The following BOD1 variants were observed in gnomAD, a reference collection of about 807,000 sequenced individuals.
The protein encoded by BOD1 is biorientation of chromosomes in cell division protein 1.
BOD1 carries 11 observed loss-of-function variants against 15.7 expected under a neutral mutation model. The observed-to-expected ratio is 0.70, with a 90% CI of 0.44 to 1.16. The LOEUF is 1.16. Among genes scored for constraint, BOD1 ranks in the 50% most tolerant of loss-of-function variants. The probability of loss-of-function intolerance (pLI) is 0.00; values close to 1 mark genes in which losing one functional copy is unlikely to be tolerated. For missense variants in BOD1, 182 were observed against 244.5 expected (o/e 0.74, Z 1.70); for synonymous variants, 105 against 103.5 (o/e 1.01, Z -0.09).
chr5:173,609,573 C>T, intron 2 of BOD1, 139 bp from the exon 3 acceptor site: 2 of 793,040 alleles, frequency 2.5e-6, no homozygotes, highest in African/African-American at 1.7e-5. Flanking sequence ...GGTCAATCCA[C>T]TTACCATATA....
Position 173,616,612 on chromosome 5 carries a change from C to T in BOD1, c.-176G>A. The T allele has an allele frequency of 7.4e-7, 1 of 1,346,592 alleles. No homozygotes were observed. The highest frequency in any genetic ancestry group is 9.5e-7 in the Non-Finnish European group (1 of 1,056,742). The allele number at this position is 1,346,592 out of a possible 1,614,324, so 83.4% of individuals were successfully genotyped here. A position where few individuals can be genotyped will look rare whatever the true frequency, so the allele number is the denominator to read the frequency against. ...TGGGGGCGGCGGCGGCGAAGGCCCC[C>T]TCTGATACAGCAGAGGTTGTGGTGG... On this transcript the variant is annotated 5_prime_UTR_variant, in exon 1 of 4. Transcript: ENST00000311086.
At position 173,613,157 on chromosome 5, in the gene BOD1, T is replaced by C. The variant is rs765005479; in HGVS notation, c.336A>G (p.Arg112=). 1 of 1,614,160 alleles carries C rather than the reference T, an allele frequency of 6.2e-7. No homozygotes were observed. The highest frequency in any genetic ancestry group is 8.5e-7 in the Non-Finnish European group (1 of 1,179,984). The change falls in exon 2 of 4, where the codon CGA becomes CGG. Residue 112 remains arginine, a synonymous_variant. Transcript: ENST00000311086. ...GAACCACACTCTGCCTCAGACCATT[T>C]CGCAACTGGTTTTTGTTCATCGTAG... The part of the protein sequence containing the change: ...WNPTMNKNQL[R]NGLRQSVVQS...
intron 2 of BOD1, among the ~76,000 whole-genome samples, chr5:173,610,308 C>T (rs1349830878): frequency 2.0e-5 from 3 of 152,110 alleles, no homozygotes; most frequent in Admixed American, 6.5e-5. Flanking sequence ...TTTAAGCCTT[C>T]GGGTAAAAAT....
chr5:173,608,245 A>C lies in BOD1; in HGVS notation c.*49T>G, dbSNP rs772543730. On this transcript the variant is annotated 3_prime_UTR_variant, in exon 4 of 4. Transcript: ENST00000311086. ...TGAAGTTGCACTCTTATGTAACCGA[A>C]TCCATTTCTTCACCAAAAATTAGCT... is the stretch of plus-strand genomic sequence containing the variant. 3 of 1,610,470 alleles carry C rather than the reference A, an allele frequency of 1.9e-6. No individual in the cohort carries two copies. The highest frequency in any genetic ancestry group is 1.1e-5 in the South Asian group (1 of 90,978).
chr5:173,613,989 T>C (rs1755425799), intron 1 of BOD1, among the ~76,000 whole-genome samples: 1 of 152,196 alleles, frequency 6.6e-6, no homozygotes. Flanking sequence ...ATTTCCCAGA[T>C]TGGAGCTGAC....
At chr5:173,613,913 T>C (rs931260464) in intron 1 of BOD1, among the ~76,000 whole-genome samples, 3 of 152,186 alleles carry the variant, frequency 2.0e-5, no homozygotes, top group African/African-American at 7.2e-5. Flanking sequence ...TTCACAAGGG[T>C]AGGGCAGAGG....
rs1400906523 is a variant in BOD1 at position 173,607,708 on chromosome 5, A to G, written c.*586T>C. ...TATGCCTAATGTCTGAACTTCTCATACATTCTAGGATTTCATGTTTCGTTA... is the reference window on the plus strand; with the variant it reads ...TATGCCTAATGTCTGAACTTCTCATGCATTCTAGGATTTCATGTTTCGTTA... On this transcript the variant is annotated 3_prime_UTR_variant, in exon 4 of 4. Coordinates refer to ENST00000311086, the MANE Select transcript of BOD1 (RefSeq NM_138369.3). 6.5e-6 allele frequency: 1 copy of G among 152,894 alleles called. No individual in the cohort carries two copies. The highest frequency in any genetic ancestry group is 1.5e-5 in the Non-Finnish European group (1 of 68,422). The allele number at this position is 152,894 out of a possible 1,614,324, so 9.5% of individuals were successfully genotyped here.
intron 3 of BOD1, among the ~76,000 whole-genome samples, chr5:173,608,766 G>A (rs1755271027): frequency 6.6e-6 from 1 of 152,174 alleles, no homozygotes; most frequent in Non-Finnish European, 1.5e-5. Flanking sequence ...AGAATCCCAT[G>A]GTAATTGATA....
intron 2 of BOD1, among the ~76,000 whole-genome samples, chr5:173,610,020 C>A (rs189489831): frequency 1.3e-3 from 199 of 152,276 alleles, no homozygotes; most frequent in African/African-American, 4.6e-3. Flanking sequence ...AATAGACAAA[C>A]AAATTAGTTC....
In BOD1 at chr5:173,616,386, TCCGCCGCCGCCCACCGCGCCAGTTCCC is replaced by T; in HGVS notation, c.24_50del (p.Gly9_Gly17del). The T allele has an allele frequency of 2.6e-6, 4 of 1,520,408 alleles. No individual in the cohort carries two copies. The highest frequency in any genetic ancestry group is 2.6e-5 in the East Asian group (1 of 38,488). 94.2% of individuals were successfully genotyped at this position (1,520,408 alleles called of 1,614,324 possible). ...CTGCCCCGGCAGAGGCCTGGCTAGTTCCGCCGCCGCCCACCGCGCCAGTTCCCCCGCCGCCGCCGCCGTCCGCCATGG... is the reference window on the plus strand; with the variant it reads ...CTGCCCCGGCAGAGGCCTGGCTAGTTCCGCCGCCGCCGCCGTCCGCCATGG... On this transcript the variant is annotated inframe_deletion, in exon 1 of 4. Transcript: ENST00000311086.
chr5:173,616,215 G>A lies in BOD1; in HGVS notation c.222C>T (p.Ala74=). Residue 74 remains alanine, a synonymous_variant, in exon 1 of 4, where the codon GCC becomes GCT. Coordinates refer to ENST00000311086, the MANE Select transcript of BOD1 (RefSeq NM_138369.3). The part of the protein sequence containing the change: ...LFDSFRRDCL[A]DVDTKPAYQN... ...CCGCAGCTACCTTGGTGTCCACGTC[G>A]GCCAGGCAGTCCCGGCGGAAGCTGT... is the stretch of plus-strand genomic sequence containing the variant. The A allele has an allele frequency of 1.3e-6, 2 of 1,578,890 alleles. No homozygotes were observed. The highest frequency in any genetic ancestry group is 1.7e-6 in the Non-Finnish European group (2 of 1,163,250).
intron 1 of BOD1, among the ~76,000 whole-genome samples, chr5:173,615,198 A>G (rs557085373): frequency 6.6e-6 from 1 of 152,374 alleles, no homozygotes; most frequent in Non-Finnish European, 1.5e-5. Context: ...TTCTCTCTCT[A>G]CATCCGTATT....
At chr5:173,611,664 G>C (rs138941298) in intron 2 of BOD1, among the ~76,000 whole-genome samples, 111 of 152,346 alleles carry the variant, frequency 7.3e-4, no homozygotes, top group African/African-American at 2.5e-3. Flanking sequence ...TGTTTCGGGG[G>C]TGTGAGTCCA....
rs1755256744 is a variant in BOD1, at chr5:173,608,268, G to A, written c.*26C>T. 4 of 1,612,178 alleles carry A rather than the reference G, an allele frequency of 2.5e-6. No individual in the cohort carries two copies. The highest frequency in any genetic ancestry group is 2.2e-5 in the East Asian group (1 of 44,880). ...GAATCCATTTCTTCACCAAAAATTA[G>A]CTTTCAAAAGGTGTCTGGCGTATTC... On this transcript the variant is annotated 3_prime_UTR_variant, in exon 4 of 4. Coordinates refer to ENST00000311086, the MANE Select transcript of BOD1 (RefSeq NM_138369.3).
At chr5:173,610,266 A>T (rs1317290788) in intron 2 of BOD1, among the ~76,000 whole-genome samples, 2 of 152,166 alleles carry the variant, frequency 1.3e-5, no homozygotes, top group Non-Finnish European at 2.9e-5. Flanking sequence ...GGTTTTACTT[A>T]TTTTCCCGTA....
intron 2 of BOD1, among the ~76,000 whole-genome samples, chr5:173,611,850 C>A (rs1180477925): frequency 6.6e-6 from 1 of 152,224 alleles, no homozygotes; most frequent in Non-Finnish European, 1.5e-5. Context: ...AGCCTTCATA[C>A]AATCATGGCA....
At position 173,609,349 on chromosome 5, in the gene BOD1, C is replaced by T; in HGVS notation, c.448G>A (p.Glu150Lys). The T allele has an allele frequency of 6.2e-7, 1 of 1,614,238 alleles. No individual in the cohort carries two copies. Among genetic ancestry groups the T allele is most frequent in the Non-Finnish European group, 8.5e-7 (1 of 1,180,046 alleles). The stretch of plus-strand genomic sequence containing the variant: ...GCCAGGAACTCATGAATTGCTCGTT[C>T]TATTTGTGGCCTGAAGATGTGGTTA... ...KLNHIFRPQIERAIHEFLAAQ... is the reference protein window; with the variant it reads ...KLNHIFRPQIKRAIHEFLAAQ... The change falls in exon 3 of 4, where the codon GAA becomes AAA. Residue 150 changes from glutamate (E) to lysine (K), a missense_variant. This residue lies in a region of BOD1 where 40 missense variants were observed against 45.3 expected (regional missense o/e 0.88). Coordinates refer to ENST00000311086, the MANE Select transcript of BOD1 (RefSeq NM_138369.3).
intron 2 of BOD1, chr5:173,609,726 A>G: frequency 2.9e-6 from 1 of 340,932 alleles, no homozygotes; most frequent in Non-Finnish European, 5.4e-6. Context: ...ACAACAAACA[A>G]ATGACAGCAT....
Position 173,607,376 on chromosome 5 carries a change from C to T in BOD1, c.*918G>A, listed in dbSNP as rs571017159. The T allele has an allele frequency of 6.6e-6, 1 of 152,196 alleles. No homozygotes were observed. The highest frequency in any genetic ancestry group is 1.5e-5 in the Non-Finnish European group (1 of 68,048). 9.4% of individuals were successfully genotyped at this position (152,196 alleles called of 1,614,324 possible). A position where few individuals can be genotyped will look rare whatever the true frequency, so the allele number is the denominator to read the frequency against. On this transcript the variant is annotated 3_prime_UTR_variant, in exon 4 of 4. Coordinates refer to ENST00000311086, the MANE Select transcript of BOD1 (RefSeq NM_138369.3). ...GCTCAGGGAGGAGAGAAACAGCCCACTACTAGCTACACCTACTAGTTTCAT... is the reference window on the plus strand; with the variant it reads ...GCTCAGGGAGGAGAGAAACAGCCCATTACTAGCTACACCTACTAGTTTCAT...
Sources: gnomAD v4.1 joint callset for allele counts (sites outside exome capture counted in the v4.1 genomes callset) on GRCh38, gnomAD v4.1.1 for gene constraint, gnomAD v4.1.1 regional missense constraint, MANE v1.5 for transcripts, NCBI Gene and HGNC (gene_info 2026-07-23, HGNC 2026-07-21) for gene names.